RNF217: variants seen among roughly 807,000 people sequenced by gnomAD.
RNF217 encodes the protein E3 ubiquitin-protein ligase RNF217.
Under a neutral mutation model 57.8 loss-of-function variants are expected in RNF217, and 31 were observed. The observed-to-expected ratio is 0.54, with a 90% CI of 0.40 to 0.72. The LOEUF is 0.72. Ranked by LOEUF, RNF217 falls within the 30% of genes least tolerant of loss-of-function variation. RNF217 has a pLI of 0.00. For synonymous variants in RNF217, 313 were observed against 294.0 expected (o/e 1.06, Z -0.66); for missense variants, 696 against 708.3 (o/e 0.98, Z 0.20).
rs115368195 is a variant in RNF217 at position 125,017,853 on chromosome 6, G to A, written c.883-27358G>A. On this transcript the variant is annotated intron_variant, in intron 1 of 5. Transcript: ENST00000521654. ...CATAATAAATGGGTTAACATATGCA[G>A]TGGTGAAAGGTCAAAATGAAACATA... is the stretch of plus-strand genomic sequence containing the variant. 6.2e-3 allele frequency among the ~76,000 whole-genome samples: 950 copies of A among 152,278 alleles called. 9 individuals are homozygous for A. Among genetic ancestry groups the A allele is most frequent in the African/African-American group, 0.022 (913 of 41,566 alleles).
chr6:125,082,881 A>G lies in RNF217; in HGVS notation c.1573A>G (p.Ile525Val). 1 of 1,603,560 alleles carries G rather than the reference A, an allele frequency of 6.2e-7. No homozygotes were observed. Among genetic ancestry groups the G allele is most frequent in the Non-Finnish European group, 8.5e-7 (1 of 1,176,098 alleles). The change falls in exon 6 of 6, where the codon ATC becomes GTC. Residue 525 changes from isoleucine (I) to valine (V), a missense_variant. Physicochemically the swap from Ile to Val is conservative, Grantham distance 29. Around this residue, in one of 2 missense-constraint regions of RNF217, gnomAD observed 231 missense variants for 321.4 expected, o/e 0.72. Transcript: ENST00000521654. ...ATCCCTAGGTTTATTTGTATTTCCT[A>G]TCTATTGCCTTTGTAAAAAACAGAG... is the stretch of plus-strand genomic sequence containing the variant. Reference protein sequence around the residue: ...AVVIGLFVFPIYCLCKKQRKR... With the variant: ...AVVIGLFVFPVYCLCKKQRKR...
intron 1 of RNF217, among the ~76,000 whole-genome samples, chr6:125,035,839 G>GT (rs1457123280): frequency 2.0e-5 from 3 of 148,356 alleles, no homozygotes; most frequent in East Asian, 2.0e-4. Flanking sequence ...TTATTTGTGG[G>GT]TTTTTTTGTT....
intron 4 of RNF217, among the ~76,000 whole-genome samples, 159 bp downstream of exon 4, chr6:125,077,017 AATTTTGTTACCAGGAC>A (rs747104875): frequency 2.0e-5 from 3 of 152,106 alleles, no homozygotes; most frequent in Non-Finnish European, 4.4e-5. Context: ...TTAAAACTTA[AATTTTGTTACCAGGAC>A]ACTACTTATA....
At chr6:125,077,898 A>G (rs1176426883) in intron 4 of RNF217, among the ~76,000 whole-genome samples, 2 of 152,294 alleles carry the variant, frequency 1.3e-5, no homozygotes, top group East Asian at 3.9e-4. Flanking sequence ...TTAGAAGCAT[A>G]TGATACCTGA....
At chr6:125,043,239 G>T (rs1244545503) in intron 1 of RNF217, among the ~76,000 whole-genome samples, 1 of 152,012 alleles carries the variant, frequency 6.6e-6, no homozygotes, top group African/African-American at 2.4e-5. Flanking sequence ...TCCAATTGGG[G>T]TATGCTAGTG....
chr6:125,030,211 G>A (rs1323504390), intron 1 of RNF217, among the ~76,000 whole-genome samples: 2 of 152,128 alleles, frequency 1.3e-5, no homozygotes, highest in South Asian at 2.1e-4. Flanking sequence ...CAACACGTAG[G>A]AATTCTGAGA....
chr6:125,072,087 T>A (rs932172620), intron 3 of RNF217, among the ~76,000 whole-genome samples: 1 of 152,208 alleles, frequency 6.6e-6, no homozygotes, highest in African/African-American at 2.4e-5. Context: ...GTGAGACTGA[T>A]AAAGGTGTAC....
Position 125,006,443 on chromosome 6 carries a change from A to G in RNF217, c.883-38768A>G, listed in dbSNP as rs1785182368. ...TATTTTACTTGTACTCATTTTTTCT[A>G]TTATGTTATATAGTTACAATTATTC... On this transcript the variant is annotated intron_variant, in intron 1 of 5. Coordinates refer to ENST00000521654, the MANE Select transcript of RNF217 (RefSeq NM_001286398.3). Among the ~76,000 whole-genome samples the G allele has an allele frequency of 4.6e-5, 7 of 152,138 alleles. No individual in the cohort carries two copies. In the South Asian group the frequency reaches 1.2e-3, roughly 27 times the overall value.
intron 1 of RNF217, among the ~76,000 whole-genome samples, chr6:124,989,154 T>G (rs190960719): frequency 6.6e-6 from 1 of 152,356 alleles, no homozygotes; most frequent in Admixed American, 6.5e-5. Context: ...ATGGAATTTT[T>G]TTTTAATTTA....
intron 1 of RNF217, among the ~76,000 whole-genome samples, chr6:124,988,646 C>T (rs1232938620): frequency 6.6e-6 from 1 of 152,166 alleles, no homozygotes; most frequent in Non-Finnish European, 1.5e-5. Context: ...TGCCACCATC[C>T]ATTTTAACAC....
chr6:125,054,883 G>A (rs1787465612), intron 2 of RNF217, among the ~76,000 whole-genome samples: 1 of 152,152 alleles, frequency 6.6e-6, no homozygotes, highest in African/African-American at 2.4e-5. Context: ...CACACTTTGA[G>A]CCACAAGGAC....
At chr6:125,039,420 C>A (rs140319300) in intron 1 of RNF217, among the ~76,000 whole-genome samples, 21 of 152,176 alleles carry the variant, frequency 1.4e-4, no homozygotes, top group Middle Eastern at 3.4e-3. Flanking sequence ...TATATATGCA[C>A]CCAATACAGG....
At position 125,003,063 on chromosome 6, in the gene RNF217, C is replaced by A. The variant is rs551343977; in HGVS notation, c.882+39637C>A. ...TGGTAGCCAAAGATTAAATGGCCTA[C>A]CTTAGTAAGTAGTGAGGCCCTTGTC... On this transcript the variant is annotated intron_variant, in intron 1 of 5. Coordinates refer to ENST00000521654, the MANE Select transcript of RNF217 (RefSeq NM_001286398.3). Among the ~76,000 whole-genome samples, 9 of 152,170 alleles carry A rather than the reference C, an allele frequency of 5.9e-5. No individual in the cohort carries two copies. In the East Asian group the frequency reaches 1.5e-3, roughly 26 times the overall value.
At chr6:125,044,208 AAAAG>A (rs1447029159) in intron 1 of RNF217, among the ~76,000 whole-genome samples, 2 of 152,018 alleles carry the variant, frequency 1.3e-5, no homozygotes, top group East Asian at 3.9e-4. Context: ...ACCCAAATAA[AAAAG>A]AAAGGGTTTG....
chr6:125,065,046 C>T (rs1431847233), intron 3 of RNF217, among the ~76,000 whole-genome samples: 1 of 151,682 alleles, frequency 6.6e-6, no homozygotes, highest in African/African-American at 2.4e-5. Flanking sequence ...GAGGCCGAGG[C>T]GGGCGGATCA....
rs1787581604 is a variant in RNF217, at chr6:125,057,925, A to T, written c.1117-17A>T. On this transcript the variant is annotated splice_polypyrimidine_tract_variant and intron_variant, in intron 2 of 5. Transcript: ENST00000521654. ...AGTATATCCACTAGTAATTAATATG[A>T]TTTTTTTCTTACACAGATCCAGTGC... The T allele has an allele frequency of 1.3e-6, 2 of 1,582,696 alleles. No homozygotes were observed. The highest frequency in any genetic ancestry group is 1.7e-6 in the Non-Finnish European group (2 of 1,162,856).
chr6:124,967,263 T>C (rs890700223), intron 1 of RNF217, among the ~76,000 whole-genome samples: 2 of 152,214 alleles, frequency 1.3e-5, no homozygotes, highest in Non-Finnish European at 2.9e-5. Flanking sequence ...CCCTCCTAAG[T>C]ATTGGCCTTC....
At chr6:125,064,245 T>A (rs1446064351) in intron 3 of RNF217, among the ~76,000 whole-genome samples, 1 of 152,160 alleles carries the variant, frequency 6.6e-6, no homozygotes, top group East Asian at 1.9e-4. Context: ...TGATAAACCA[T>A]TTTTAACTCT....
intron 1 of RNF217, among the ~76,000 whole-genome samples, chr6:124,973,191 G>A (rs1438682586): frequency 6.6e-6 from 1 of 152,122 alleles, no homozygotes; most frequent in Non-Finnish European, 1.5e-5. Context: ...AGAGATCCCA[G>A]CTCATAACAC....
Sources: allele counts gnomAD v4.1 joint callset (sites outside exome capture counted in the v4.1 genomes callset), GRCh38; gene constraint gnomAD v4.1.1; regional missense constraint gnomAD v4.1.1; transcripts MANE v1.5; gene names NCBI Gene and HGNC (gene_info 2026-07-23, HGNC 2026-07-21).